Variants in MIR2052HG observed in about 807,000 individuals in gnomAD.
MIR2052HG encodes MIR2052 host gene.
chr8:74,602,876 T>TCTTTCTTTCTTTCCTTTCTTTC (rs1554570015), intron 1 of MIR2052HG, among the ~76,000 whole-genome samples: 3 of 137,064 alleles, frequency 2.2e-5, no homozygotes, highest in East Asian at 4.4e-4. Flanking sequence ...TTTCTTTCTT[T>TCTTTCTTTCTTTCCTTTCTTTC]TTTCTATTCA....
intron 4 of MIR2052HG, among the ~76,000 whole-genome samples, chr8:74,710,367 A>G (rs781704053): frequency 6.6e-6 from 1 of 152,120 alleles, no homozygotes; most frequent in Non-Finnish European, 1.5e-5. Flanking sequence ...TTCTCTTGCA[A>G]ATTTCATTTT....
At chr8:74,658,254 T>C (rs1009681580) in intron 2 of MIR2052HG, among the ~76,000 whole-genome samples, 1 of 152,170 alleles carries the variant, frequency 6.6e-6, no homozygotes, top group Non-Finnish European at 1.5e-5. Context: ...CATTCACATA[T>C]AGCACCTTTT....
chr8:74,711,010 G>T (rs982616796), intron 4 of MIR2052HG, among the ~76,000 whole-genome samples: 1 of 152,174 alleles, frequency 6.6e-6, no homozygotes, highest in Admixed American at 6.6e-5. Context: ...ACAACACTAT[G>T]CCTTGACAGG....
chr8:74,726,665 A>T lies in MIR2052HG; in HGVS notation n.371+22983A>T, dbSNP rs1375879406. On this transcript the variant is annotated intron_variant and non_coding_transcript_variant, in intron 4 of 6. Transcript: ENST00000523442. The stretch of plus-strand genomic sequence containing the variant: ...CCTTGTACTAGGATGGTTTAGAATG[A>T]ACTGTGGAGCATGTCTTGTCTTCAG... Among the ~76,000 whole-genome samples, 3 of 152,244 alleles carry T rather than the reference A, an allele frequency of 2.0e-5. No individual in the cohort carries two copies. The East Asian group carries it at 5.8e-4, about 29-fold the overall frequency.
intron 4 of MIR2052HG, among the ~76,000 whole-genome samples, chr8:74,724,854 C>CT (rs112503330): frequency 2.0e-5 from 3 of 149,834 alleles, no homozygotes; most frequent in South Asian, 2.1e-4. Flanking sequence ...GTATTATGGA[C>CT]TTTTTTTTTT....
intron 1 of MIR2052HG, among the ~76,000 whole-genome samples, chr8:74,602,876 T>TCTTTCTTTCTTTCTTTTC (rs1554570015): frequency 6.6e-5 from 9 of 137,160 alleles, no homozygotes; most frequent in East Asian, 2.2e-4. Flanking sequence ...TTTCTTTCTT[T>TCTTTCTTTCTTTCTTTTC]TTTCTATTCA....
intron 2 of MIR2052HG, among the ~76,000 whole-genome samples, chr8:74,662,988 C>A (rs1024491535): frequency 2.0e-5 from 3 of 151,810 alleles, no homozygotes; most frequent in African/African-American, 7.2e-5. Flanking sequence ...TTATGCTAAT[C>A]CCCAATGTGA....
At chr8:74,656,439 G>A (rs1004355539) in intron 2 of MIR2052HG, among the ~76,000 whole-genome samples, 6 of 152,114 alleles carry the variant, frequency 3.9e-5, no homozygotes, top group Admixed American at 1.3e-4. Flanking sequence ...AGTCTTTCCT[G>A]TACTATTCTT....
At chr8:74,722,309 T>C (rs1002806528) in intron 4 of MIR2052HG, among the ~76,000 whole-genome samples, 28 of 152,216 alleles carry the variant, frequency 1.8e-4, no homozygotes, top group Admixed American at 1.8e-3. Context: ...CCTAAAATAT[T>C]TCTACATTTT....
chr8:74,719,155 G>A (rs778100795), intron 4 of MIR2052HG, among the ~76,000 whole-genome samples: 1 of 150,740 alleles, frequency 6.6e-6, no homozygotes, highest in Non-Finnish European at 1.5e-5. Flanking sequence ...ATTGTTTCAG[G>A]TTCAAAATCC....
At chr8:74,757,332 G>C (rs1810015013) in intron 5 of MIR2052HG, 1 of 152,124 alleles carries the variant, frequency 6.6e-6, no homozygotes, top group African/African-American at 2.4e-5. Context: ...AGAGCCTTTG[G>C]GCATCATGGG....
chr8:74,615,836 T>C (rs7012948), intron 2 of MIR2052HG, among the ~76,000 whole-genome samples: 112,889 of 151,928 alleles, frequency 0.74, 43,072 homozygotes, highest in African/African-American at 0.94. Flanking sequence ...TGTTCGATTC[T>C]CACCTATGAG....
At chr8:74,688,289 A>G (rs941047505) in intron 2 of MIR2052HG, among the ~76,000 whole-genome samples, 1 of 152,254 alleles carries the variant, frequency 6.6e-6, no homozygotes, top group African/African-American at 2.4e-5. Context: ...TTTTGTATAT[A>G]TTGTACAACA....
chr8:74,621,370 A>T (rs1275815433), intron 2 of MIR2052HG, among the ~76,000 whole-genome samples: 1 of 152,166 alleles, frequency 6.6e-6, no homozygotes, highest in Non-Finnish European at 1.5e-5. Flanking sequence ...CTGTGGTATC[A>T]ATTTACTATA....
intron 2 of MIR2052HG, chr8:74,633,215 A>G (rs1808540484): frequency 6.6e-6 from 1 of 151,992 alleles, no homozygotes; most frequent in Admixed American, 6.6e-5. Flanking sequence ...TTTTGTAGAG[A>G]CAGGGTCTCT....
intron 5 of MIR2052HG, chr8:74,757,288 A>C (rs911020075): frequency 2.0e-5 from 3 of 152,188 alleles, no homozygotes; most frequent in Non-Finnish European, 4.4e-5. Flanking sequence ...AAAAATAGTT[A>C]GCTTTATTAT....
intron 2 of MIR2052HG, among the ~76,000 whole-genome samples, chr8:74,617,488 T>TAC (rs1808302025): frequency 6.6e-6 from 1 of 150,478 alleles, no homozygotes; most frequent in Non-Finnish European, 1.5e-5. Flanking sequence ...TGTGTGTGTG[T>TAC]ATACATACAT....
intron 2 of MIR2052HG, among the ~76,000 whole-genome samples, chr8:74,671,765 C>A (rs2128738097): frequency 6.6e-6 from 1 of 152,224 alleles, no homozygotes; most frequent in East Asian, 1.9e-4. Flanking sequence ...TACTGCTCTG[C>A]ACAATATCAA....
At chr8:74,639,345 A>T (rs1046938182) in intron 2 of MIR2052HG, among the ~76,000 whole-genome samples, 17 of 152,142 alleles carry the variant, frequency 1.1e-4, no homozygotes, top group Non-Finnish European at 2.5e-4. Context: ...TTTTATGTTC[A>T]TCTGTCATTT....
Sources: allele counts gnomAD v4.1 joint callset (sites outside exome capture counted in the v4.1 genomes callset), GRCh38; gene constraint gnomAD v4.1.1; transcripts MANE v1.5; gene names NCBI Gene and HGNC (gene_info 2026-07-23, HGNC 2026-07-21).